The following KIAA1217 variants were observed in gnomAD, a reference collection of about 807,000 sequenced individuals.
KIAA1217 encodes KIAA1217, also known as sickle tail protein homolog.
A neutral mutation model predicts 163.9 loss-of-function variants in KIAA1217; 88 were observed. That is an observed-to-expected ratio of 0.54 (90% confidence interval 0.45 to 0.64). The LOEUF (loss-of-function observed/expected upper bound fraction) is 0.64, where lower values mean the gene tolerates loss of function less well. Ranked by LOEUF, KIAA1217 falls within the 30% of genes least tolerant of loss-of-function variation. KIAA1217 has a pLI of 0.00. For missense variants in KIAA1217, 2,372 were observed against 2,475.0 expected (o/e 0.96, Z 0.88); for synonymous variants, 903 against 923.1 (o/e 0.98, Z 0.39).
At chr10:24,289,131 A>G (rs951615848) in intron 2 of KIAA1217, among the ~76,000 whole-genome samples, 1 of 152,340 alleles carries the variant, frequency 6.6e-6, no homozygotes, top group Non-Finnish European at 1.5e-5. Flanking sequence ...ATTATAAATA[A>G]AATAATAATA....
At chr10:23,863,411 T>C (rs1840044899) in intron 1 of KIAA1217, among the ~76,000 whole-genome samples, 1 of 152,146 alleles carries the variant, frequency 6.6e-6, no homozygotes, top group South Asian at 2.1e-4. Flanking sequence ...TATGTGGGCT[T>C]TTCCATATTT....
intron 1 of KIAA1217, among the ~76,000 whole-genome samples, chr10:23,718,864 GAA>G (rs1491374724): frequency 1.2e-4 from 17 of 142,740 alleles, no homozygotes; most frequent in African/African-American, 4.2e-4. Flanking sequence ...GAGAGAGAGA[GAA>G]GAGAGAGAGA....
chr10:24,167,010 G>A (rs925962307), intron 2 of KIAA1217, among the ~76,000 whole-genome samples: 16 of 151,992 alleles, frequency 1.1e-4, no homozygotes, highest in African/African-American at 2.7e-4. Flanking sequence ...CAGCGAATAA[G>A]TTAAAAATTA....
chr10:24,081,626 A>G (rs541528025), intron 2 of KIAA1217, among the ~76,000 whole-genome samples: 1 of 152,170 alleles, frequency 6.6e-6, no homozygotes, highest in African/African-American at 2.4e-5. Flanking sequence ...GAGGTGTCCA[A>G]TCTTTTGGCT....
intron 6 of KIAA1217, among the ~76,000 whole-genome samples, chr10:24,475,104 A>G (rs987805417): frequency 6.6e-6 from 1 of 152,172 alleles, no homozygotes; most frequent in Non-Finnish European, 1.5e-5. Context: ...CTGTAATCTC[A>G]GCTACTCGGG....
Position 24,084,050 on chromosome 10 carries a change from C to A in KIAA1217, c.-171+76676C>A, listed in dbSNP as rs1589432910. Among the ~76,000 whole-genome samples, 3 of 152,310 alleles carry A rather than the reference C, an allele frequency of 2.0e-5. No homozygotes were observed. In the South Asian group the frequency reaches 6.2e-4, roughly 32 times the overall value. ...CACTTGCTCTCCCTCTGGTCTGGAA[C>A]ACTGTTTCTCCAGGTATCTGCATAT... On this transcript the variant is annotated intron_variant, in intron 2 of 18. Transcript: ENST00000376462.
At chr10:24,340,463 A>G (rs1473739090) in intron 2 of KIAA1217, among the ~76,000 whole-genome samples, 2 of 152,172 alleles carry the variant, frequency 1.3e-5, no homozygotes, top group African/African-American at 2.4e-5. Context: ...GGCCTCCCCA[A>G]CCACTTGGAA....
At chr10:23,740,272 A>G (rs1199387201) in intron 1 of KIAA1217, among the ~76,000 whole-genome samples, 1 of 152,094 alleles carries the variant, frequency 6.6e-6, no homozygotes, top group African/African-American at 2.4e-5. Context: ...TTTGACTTTG[A>G]TTTGTTCATT....
intron 1 of KIAA1217, among the ~76,000 whole-genome samples, chr10:24,004,179 A>C (rs1007550141): frequency 6.6e-6 from 1 of 151,984 alleles, no homozygotes; most frequent in Non-Finnish European, 1.5e-5. Context: ...GGGTTTCACT[A>C]TGTTGGTCAG....
At chr10:24,340,973 C>T (rs1391560647) in intron 2 of KIAA1217, among the ~76,000 whole-genome samples, 3 of 152,048 alleles carry the variant, frequency 2.0e-5, no homozygotes, top group South Asian at 2.1e-4. Flanking sequence ...TGTTATGCGC[C>T]GATAGTTCTC....
At chr10:23,700,952 C>G (rs1034093160) in intron 1 of KIAA1217, among the ~76,000 whole-genome samples, 1 of 152,000 alleles carries the variant, frequency 6.6e-6, no homozygotes, top group African/African-American at 2.4e-5. Flanking sequence ...TTCTGAATCC[C>G]TAGTGGCTAG....
intron 2 of KIAA1217, among the ~76,000 whole-genome samples, chr10:24,304,005 T>G (rs910365103): frequency 6.6e-6 from 1 of 151,986 alleles, no homozygotes; most frequent in East Asian, 1.9e-4. Context: ...AAATGAAAAA[T>G]AGAGAGTATT....
intron 2 of KIAA1217, among the ~76,000 whole-genome samples, chr10:24,023,674 C>G (rs1298936393): frequency 6.6e-6 from 1 of 151,470 alleles, no homozygotes; most frequent in Non-Finnish European, 1.5e-5. Flanking sequence ...GTGCTTATGT[C>G]CTTCAAAAGA....
intron 1 of KIAA1217, among the ~76,000 whole-genome samples, chr10:23,983,077 G>C (rs1396988780): frequency 1.3e-5 from 2 of 151,826 alleles, no homozygotes; most frequent in Admixed American, 1.3e-4. Context: ...TTCTATGCAT[G>C]GCAGATCAGA....
At chr10:23,920,587 CCTT>C (rs1275466711) in intron 1 of KIAA1217, among the ~76,000 whole-genome samples, 3 of 152,120 alleles carry the variant, frequency 2.0e-5, no homozygotes, top group African/African-American at 7.2e-5. Context: ...AAGGCTAATT[CCTT>C]CTTTTGTCTC....
chr10:24,049,716 A>C lies in KIAA1217; in HGVS notation c.-171+42342A>C, dbSNP rs535807582. Among the ~76,000 whole-genome samples, 35 of 152,310 alleles carry C rather than the reference A, an allele frequency of 2.3e-4. No individual in the cohort carries two copies. In the Middle Eastern group the frequency reaches 0.02, roughly 89 times the overall value. On this transcript the variant is annotated intron_variant, in intron 2 of 18. Coordinates refer to the KIAA1217 transcript ENST00000376462. The stretch of plus-strand genomic sequence containing the variant: ...TTTATCCAGTCTATCATTGATGGAC[A>C]TTTGGGTTGGTTCCAAGTCTTTGCT...
chr10:24,245,536 C>G (rs2073690171), intron 2 of KIAA1217, among the ~76,000 whole-genome samples: 1 of 152,078 alleles, frequency 6.6e-6, no homozygotes, highest in African/African-American at 2.4e-5. Flanking sequence ...TCTGATGGAC[C>G]CTTGGTGATT....
At chr10:24,044,668 T>C (rs1267213965) in intron 2 of KIAA1217, among the ~76,000 whole-genome samples, 2 of 152,148 alleles carry the variant, frequency 1.3e-5, no homozygotes, top group Non-Finnish European at 2.9e-5. Flanking sequence ...TTGGTTATCA[T>C]AATTAGTTTT....
chr10:24,263,488 T>C (rs371619066), intron 2 of KIAA1217, among the ~76,000 whole-genome samples: 14 of 152,220 alleles, frequency 9.2e-5, no homozygotes, highest in East Asian at 3.9e-4. Flanking sequence ...ATGTCTTTAG[T>C]GTCTCACAGA....
Sources: allele counts gnomAD v4.1 joint callset (sites outside exome capture counted in the v4.1 genomes callset), GRCh38; gene constraint gnomAD v4.1.1; transcripts MANE v1.5; gene names NCBI Gene and HGNC (gene_info 2026-07-23, HGNC 2026-07-21).